The following KCNQ1OT1 variants were observed in gnomAD, a reference collection of about 807,000 sequenced individuals.
KCNQ1OT1 encodes the protein KCNQ1 antisense RNA 2 (non-protein coding).
At chr11:2,641,873 A>G (rs1849584403) in exon 1 of KCNQ1OT1, 1 of 398,350 alleles carries the variant, frequency 2.5e-6, no homozygotes, top group Admixed American at 4.4e-5. Context: ...TCCCAGCTCC[A>G]TTAAGTGAAG....
At chr11:2,635,807 A>C (rs1442802215) in exon 1 of KCNQ1OT1, 1 of 152,172 alleles carries the variant, frequency 6.6e-6, no homozygotes, top group African/African-American at 2.4e-5. Context: ...GATTCTCCCT[A>C]TCCATGAGCA....
At chr11:2,609,469 T>A (rs752701795) in exon 1 of KCNQ1OT1, 2 of 398,338 alleles carry the variant, frequency 5.0e-6, no homozygotes, top group South Asian at 1.3e-4. Flanking sequence ...ATGTCTCATG[T>A]GCACTTGAAA....
exon 1 of KCNQ1OT1, chr11:2,633,565 G>A: frequency 2.5e-6 from 1 of 398,458 alleles, no homozygotes; most frequent in Non-Finnish European, 4.4e-6. Context: ...AGATAGTATA[G>A]TTTCATTCTT....
chr11:2,641,118 G>T (rs947865615), exon 1 of KCNQ1OT1: 2 of 398,350 alleles, frequency 5.0e-6, no homozygotes, highest in African/African-American at 4.1e-5. Context: ...GAATAGTGCT[G>T]CAATAAACAC....
chr11:2,629,540 C>A, exon 1 of KCNQ1OT1: 1 of 398,428 alleles, frequency 2.5e-6, no homozygotes, highest in South Asian at 1.3e-4. Flanking sequence ...ACTTCATTCT[C>A]TCACGTGAGG....
exon 1 of KCNQ1OT1, chr11:2,689,054 ACCT>A (rs1208430570): frequency 5.0e-6 from 2 of 398,470 alleles, no homozygotes; most frequent in Non-Finnish European, 8.8e-6. Context: ...AGGGGCAGTT[ACCT>A]CCTCCTCCCC....
chr11:2,669,820 C>A lies in KCNQ1OT1; in HGVS notation n.30175G>T. The A allele has an allele frequency of 2.5e-6, 1 of 398,604 alleles. No individual in the cohort carries two copies. The allele number at this position is 398,604 out of a possible 1,614,324, so 24.7% of individuals were successfully genotyped here. On this transcript the variant is annotated non_coding_transcript_exon_variant, in exon 1 of 1. Transcript: ENST00000597346. This position sits in a 1 kb window ranked among gnomAD's most constrained non-coding sequence, Gnocchi z 5.6. Reference sequence around the variant, plus strand: ...TTTGGCCTGAGAGCTTTTGAGACTGCCAGGTCATGAGTTACCATGGGATAC... The same window carrying A: ...TTTGGCCTGAGAGCTTTTGAGACTGACAGGTCATGAGTTACCATGGGATAC...
rs552500378 is a variant in KCNQ1OT1 at position 2,670,987 on chromosome 11, T to C, written n.29008A>G. 2.7e-4 allele frequency: 106 copies of C among 398,628 alleles called. No homozygotes were observed. Among genetic ancestry groups the C allele is most frequent in the Non-Finnish European group, 4.4e-4 (99 of 226,078 alleles). The allele number at this position is 398,628 out of a possible 1,614,324, so 24.7% of individuals were successfully genotyped here. On this transcript the variant is annotated non_coding_transcript_exon_variant, in exon 1 of 1. Coordinates refer to ENST00000597346, the Ensembl canonical transcript of KCNQ1OT1. This position sits in a 1 kb window ranked among gnomAD's most constrained non-coding sequence, Gnocchi z 4.9. The stretch of plus-strand genomic sequence containing the variant: ...CCCAGAGCCCCTGGCTAGGCATTCA[T>C]GCTTTAGATATGTGGGCCCTGTTAG...
chr11:2,661,830 A>G lies in KCNQ1OT1; in HGVS notation n.38165T>C, dbSNP rs1849961320. On this transcript the variant is annotated non_coding_transcript_exon_variant, in exon 1 of 1. Coordinates refer to ENST00000597346, the Ensembl canonical transcript of KCNQ1OT1. This position sits in a 1 kb window ranked among gnomAD's most constrained non-coding sequence, Gnocchi z 5.9. ...ACCCCAACACCCAACTATAAAACTG[A>G]TTGTCAGGGCTGGAGCTTCCAGGCA... 4.6e-6 allele frequency: 5 copies of G among 1,095,136 alleles called. No homozygotes were observed. The South Asian group carries it at 5.1e-5, about 11-fold the overall frequency. The allele number at this position is 1,095,136 out of a possible 1,614,324, so 67.8% of individuals were successfully genotyped here. A position where few individuals can be genotyped will look rare whatever the true frequency, so the allele number is the denominator to read the frequency against.
chr11:2,689,353 G>A (rs887693234), exon 1 of KCNQ1OT1: 4 of 398,538 alleles, frequency 1.0e-5, no homozygotes, highest in African/African-American at 2.1e-5. Flanking sequence ...AGGCCTTTAG[G>A]TCAGCCTTGG....
exon 1 of KCNQ1OT1, chr11:2,666,008 T>C: frequency 2.5e-6 from 1 of 398,678 alleles, no homozygotes; most frequent in Non-Finnish European, 4.4e-6. Context: ...AATTCACACG[T>C]CTGCCCCATT....
In KCNQ1OT1 at chr11:2,659,448, T is replaced by C. The variant is rs1170443917; in HGVS notation, n.40547A>G. The C allele has an allele frequency of 2.5e-6, 1 of 398,500 alleles. No homozygotes were observed. Among genetic ancestry groups the C allele is most frequent in the African/African-American group, 2.1e-5 (1 of 48,648 alleles). 24.7% of individuals were successfully genotyped at this position (398,500 alleles called of 1,614,324 possible). ...GCATAAATCATTAGTTAATTTCTTT[T>C]TATTGCTGGGTGGTATTCCATTGCA... On this transcript the variant is annotated non_coding_transcript_exon_variant, in exon 1 of 1. Coordinates refer to ENST00000597346, the Ensembl canonical transcript of KCNQ1OT1. The surrounding 1 kb of genome is among the most constrained non-coding windows in gnomAD (Gnocchi z 4.3).
rs1481926221 is a variant in KCNQ1OT1 at position 2,652,667 on chromosome 11, T to C, written n.47328A>G. 5.0e-6 allele frequency: 2 copies of C among 398,350 alleles called. No individual in the cohort carries two copies. The highest frequency in any genetic ancestry group is 3.6e-5 in the East Asian group (1 of 28,074). The allele number at this position is 398,350 out of a possible 1,614,324, so 24.7% of individuals were successfully genotyped here. On this transcript the variant is annotated non_coding_transcript_exon_variant, in exon 1 of 1. Coordinates refer to ENST00000597346, the Ensembl canonical transcript of KCNQ1OT1. This position sits in a 1 kb window ranked among gnomAD's most constrained non-coding sequence, Gnocchi z 5.9. ...CCTGCAGCATGGAGACCCGGGTGGG[T>C]CGATTTTAGTTGTGTGGGTGGCTGT... is the stretch of plus-strand genomic sequence containing the variant.
rs1848952135 is a variant in KCNQ1OT1, at chr11:2,609,982, A to T, written n.90013T>A. On this transcript the variant is annotated non_coding_transcript_exon_variant, in exon 1 of 1. Coordinates refer to ENST00000597346, the Ensembl canonical transcript of KCNQ1OT1. ...TCTGGTCTGATAATTCCTGCCTTTGATTAGATTGTTTAATCCATTCACATT... is the reference window on the plus strand; with the variant it reads ...TCTGGTCTGATAATTCCTGCCTTTGTTTAGATTGTTTAATCCATTCACATT... 4 of 397,980 alleles carry T rather than the reference A, an allele frequency of 1.0e-5. 1 individual carries two copies. In the Middle Eastern group the frequency reaches 2.5e-3, roughly 252 times the overall value. 24.7% of individuals were successfully genotyped at this position (397,980 alleles called of 1,614,324 possible).
chr11:2,671,201 A>G lies in KCNQ1OT1; in HGVS notation n.28794T>C. The stretch of plus-strand genomic sequence containing the variant: ...TAGGAGAAAAGGAAAGAAAAATAAA[A>G]GGTAGAGAGACAGAGGTAGACAGGA... On this transcript the variant is annotated non_coding_transcript_exon_variant, in exon 1 of 1. Coordinates refer to ENST00000597346, the Ensembl canonical transcript of KCNQ1OT1. The surrounding 1 kb of genome is among the most constrained non-coding windows in gnomAD (Gnocchi z 4.7). 2.5e-6 allele frequency: 1 copy of G among 398,646 alleles called. No individual in the cohort carries two copies. 24.7% of individuals were successfully genotyped at this position (398,646 alleles called of 1,614,324 possible). A position where few individuals can be genotyped will look rare whatever the true frequency, so the allele number is the denominator to read the frequency against.
At chr11:2,688,478 C>G in exon 1 of KCNQ1OT1, 1 of 398,738 alleles carries the variant, frequency 2.5e-6, no homozygotes, top group Non-Finnish European at 4.4e-6. Context: ...CACTGAGGCT[C>G]TGCCTCTGGT....
chr11:2,694,321 A>G (rs1850637228), exon 1 of KCNQ1OT1: 1 of 398,668 alleles, frequency 2.5e-6, no homozygotes, highest in Admixed American at 4.4e-5. Context: ...AGTGGTTGTC[A>G]TCTGCGGTGC....
rs1850253550 is a variant in KCNQ1OT1, at chr11:2,674,429, A to C, written n.25566T>G. 1.3e-5 allele frequency: 5 copies of C among 398,452 alleles called. No individual in the cohort carries two copies. The highest frequency in any genetic ancestry group is 2.2e-5 in the Non-Finnish European group (5 of 226,052). 24.7% of individuals were successfully genotyped at this position (398,452 alleles called of 1,614,324 possible). ...TGTGCGCGCCCGCGCGCACACGACCACAGAGGCTGGGGGGAGGCACGTGGG... is the reference window on the plus strand; with the variant it reads ...TGTGCGCGCCCGCGCGCACACGACCCCAGAGGCTGGGGGGAGGCACGTGGG... On this transcript the variant is annotated non_coding_transcript_exon_variant, in exon 1 of 1. Transcript: ENST00000597346. This position sits in a 1 kb window ranked among gnomAD's most constrained non-coding sequence, Gnocchi z 5.9.
At position 2,626,109 on chromosome 11, in the gene KCNQ1OT1, G is replaced by T. The variant is rs1849258044; in HGVS notation, n.73886C>A. Reference sequence around the variant, plus strand: ...TTATCTATTTTTACTTTTATTGCCTGTGCCTTTGGTGTCGCATACAAGAAG... The same window carrying T: ...TTATCTATTTTTACTTTTATTGCCTTTGCCTTTGGTGTCGCATACAAGAAG... On this transcript the variant is annotated non_coding_transcript_exon_variant, in exon 1 of 1. Transcript: ENST00000597346. The surrounding 1 kb of genome is among the most constrained non-coding windows in gnomAD (Gnocchi z 4.0). The T allele has an allele frequency of 7.5e-6, 3 of 398,418 alleles. No homozygotes were observed. The highest frequency in any genetic ancestry group is 4.4e-5 in the Admixed American group (1 of 22,710). 24.7% of individuals were successfully genotyped at this position (398,418 alleles called of 1,614,324 possible). A position where few individuals can be genotyped will look rare whatever the true frequency, so the allele number is the denominator to read the frequency against.
Sources: allele counts gnomAD v4.1 joint callset, GRCh38; gene constraint gnomAD v4.1.1; non-coding constraint Gnocchi (gnomAD v3.1); transcripts MANE v1.5; gene names NCBI Gene and HGNC (gene_info 2026-07-23, HGNC 2026-07-21).